ARHGAP24: variants seen among roughly 807,000 people sequenced by gnomAD.
ARHGAP24 encodes Rho GTPase activating protein 24.
In ARHGAP24, 50 loss-of-function variants were observed where a neutral mutation model predicts 76.4. The observed-to-expected ratio is 0.65, with a 90% CI of 0.52 to 0.83. ARHGAP24 has a LOEUF of 0.83. Among genes scored for constraint, ARHGAP24 ranks in the 40% least tolerant of loss-of-function variants. The probability of loss-of-function intolerance (pLI) is 0.00; values close to 1 mark genes in which losing one functional copy is unlikely to be tolerated. For synonymous variants in ARHGAP24, 345 were observed against 323.3 expected, an observed-to-expected ratio of 1.07 and a Z score of -0.72; for missense variants, 930 against 914.2, an observed-to-expected ratio of 1.02 and a Z score of -0.22.
intron 3 of ARHGAP24, among the ~76,000 whole-genome samples, chr4:85,857,781 A>C (rs1350013581): frequency 6.6e-6 from 1 of 152,152 alleles, no homozygotes; most frequent in East Asian, 1.9e-4. Flanking sequence ...TGGAAGCTAC[A>C]CAACTCAACT....
At chr4:85,593,933 C>T (rs1273717186) in intron 2 of ARHGAP24, among the ~76,000 whole-genome samples, 1 of 151,880 alleles carries the variant, frequency 6.6e-6, no homozygotes, top group African/African-American at 2.4e-5. Context: ...TTTGGCTATT[C>T]CGGGTCTTTT....
chr4:85,612,901 CAA>C (rs1166567735), intron 2 of ARHGAP24, among the ~76,000 whole-genome samples: 2 of 148,854 alleles, frequency 1.3e-5, no homozygotes, highest in East Asian at 4.0e-4. Flanking sequence ...TGGACTCAAG[CAA>C]TTCACCCACC....
At chr4:85,901,556 CAT>C (rs1734493921) in intron 3 of ARHGAP24, among the ~76,000 whole-genome samples, 1 of 152,106 alleles carries the variant, frequency 6.6e-6, no homozygotes, top group South Asian at 2.1e-4. Flanking sequence ...GGATCAATAA[CAT>C]ATGTTAGGCT....
At chr4:85,851,927 TG>T (rs1051433392) in intron 3 of ARHGAP24, among the ~76,000 whole-genome samples, 1 of 152,154 alleles carries the variant, frequency 6.6e-6, no homozygotes, top group Non-Finnish European at 1.5e-5. Flanking sequence ...ATTATGTGTC[TG>T]GGGGTTGCTC....
intron 2 of ARHGAP24, among the ~76,000 whole-genome samples, chr4:85,626,764 T>C (rs1443548663): frequency 6.6e-6 from 1 of 152,152 alleles, no homozygotes; most frequent in Admixed American, 6.5e-5. Context: ...TCTTGGAGGC[T>C]TTGTTGGTTT....
At chr4:85,911,347 G>A (rs1036938660) in intron 3 of ARHGAP24, among the ~76,000 whole-genome samples, 1 of 152,146 alleles carries the variant, frequency 6.6e-6, no homozygotes, top group Non-Finnish European at 1.5e-5. Flanking sequence ...GGCAGTGGCA[G>A]GCTGTCTGGA....
intron 2 of ARHGAP24, among the ~76,000 whole-genome samples, chr4:85,612,850 G>A (rs1421734063): frequency 2.3e-5 from 3 of 131,132 alleles, no homozygotes; most frequent in Non-Finnish European, 4.6e-5. Context: ...CAGGCTGCTG[G>A]TGCAGTGGCA....
chr4:85,948,972 C>T (rs1737444570), intron 5 of ARHGAP24, among the ~76,000 whole-genome samples: 1 of 152,136 alleles, frequency 6.6e-6, no homozygotes. Flanking sequence ...TCTTGTACTA[C>T]CTTAACATAT....
At chr4:85,908,154 C>T (rs1734873699) in intron 3 of ARHGAP24, among the ~76,000 whole-genome samples, 1 of 152,166 alleles carries the variant, frequency 6.6e-6, no homozygotes, top group Non-Finnish European at 1.5e-5. Context: ...TTTGTCAAAA[C>T]ACTTTTCAAG....
chr4:85,879,994 T>C (rs3114384), intron 3 of ARHGAP24, among the ~76,000 whole-genome samples: 33,466 of 152,098 alleles, frequency 0.22, 4,767 homozygotes, highest in Non-Finnish European at 0.32. Flanking sequence ...TAATGCTCGC[T>C]GGCCTGCTGT....
At chr4:85,839,251 G>T (rs557163178) in intron 3 of ARHGAP24, among the ~76,000 whole-genome samples, 1 of 152,274 alleles carries the variant, frequency 6.6e-6, no homozygotes, top group South Asian at 2.1e-4. Context: ...TTGCTCCAAA[G>T]TACGTTTCTG....
At chr4:85,886,751 A>T (rs539794878) in intron 3 of ARHGAP24, among the ~76,000 whole-genome samples, 19 of 152,266 alleles carry the variant, frequency 1.2e-4, no homozygotes, top group African/African-American at 4.6e-4. Context: ...ATTTCCCCCT[A>T]AGATTTTCAA....
intron 3 of ARHGAP24, among the ~76,000 whole-genome samples, chr4:85,824,857 A>C (rs1340461199): frequency 1.3e-5 from 2 of 152,218 alleles, no homozygotes; most frequent in African/African-American, 2.4e-5. Context: ...TGGGAAGCCA[A>C]GATGGTTGGA....
chr4:85,987,216 A>G (rs1276999261), intron 8 of ARHGAP24, among the ~76,000 whole-genome samples: 1 of 152,130 alleles, frequency 6.6e-6, no homozygotes, highest in Non-Finnish European at 1.5e-5. Context: ...GAGAGGAGGT[A>G]TATAGGAACC....
intron 4 of ARHGAP24, chr4:85,930,850 A>T: frequency 1.2e-6 from 2 of 1,605,664 alleles, no homozygotes; most frequent in South Asian, 1.1e-5. Context: ...GTAAACAAGC[A>T]TGAGGAGTGG....
At chr4:85,498,548 A>G (rs1464097984) in intron 1 of ARHGAP24, among the ~76,000 whole-genome samples, 3 of 152,198 alleles carry the variant, frequency 2.0e-5, no homozygotes, top group East Asian at 3.9e-4. Flanking sequence ...CCAAATGGGG[A>G]AATCCACGGG....
Position 85,536,196 on chromosome 4 carries a change from T to C in ARHGAP24, c.-20-34326T>C, listed in dbSNP as rs760184461. On this transcript the variant is annotated intron_variant, in intron 1 of 9. Transcript: ENST00000395184. Reference sequence around the variant, plus strand: ...AGAACCTAGGATCAACTTACATGACTAGACACTAATAAAGAACCACACAAA... The same window carrying C: ...AGAACCTAGGATCAACTTACATGACCAGACACTAATAAAGAACCACACAAA... Among the ~76,000 whole-genome samples the C allele has an allele frequency of 3.4e-4, 51 of 151,566 alleles. 1 individual carries two copies. Among genetic ancestry groups the C allele is most frequent in the Non-Finnish European group, 1.6e-4 (11 of 67,876 alleles).
intron 5 of ARHGAP24, among the ~76,000 whole-genome samples, chr4:85,962,352 A>G (rs1303451513): frequency 6.6e-6 from 1 of 152,114 alleles, no homozygotes; most frequent in African/African-American, 2.4e-5. Context: ...AGATAACTGC[A>G]TCATTATAGT....
At chr4:85,793,723 G>T (rs191094521) in intron 3 of ARHGAP24, among the ~76,000 whole-genome samples, 1 of 152,230 alleles carries the variant, frequency 6.6e-6, no homozygotes, top group East Asian at 1.9e-4. Flanking sequence ...ACATAGAAAA[G>T]AAAATATAAG....
Sources: allele counts gnomAD v4.1 joint callset (sites outside exome capture counted in the v4.1 genomes callset), GRCh38; gene constraint gnomAD v4.1.1; transcripts MANE v1.5; gene names NCBI Gene and HGNC (gene_info 2026-07-23, HGNC 2026-07-21).